The following DPH5 variants were observed in gnomAD, a reference collection of about 807,000 sequenced individuals.
DPH5 encodes the protein diphthine methyl ester synthase.
In DPH5, 31 loss-of-function variants were observed where a neutral mutation model predicts 31.6. That is an observed-to-expected ratio of 0.98 (90% confidence interval 0.74 to 1.32). The LOEUF (loss-of-function observed/expected upper bound fraction) is 1.32, where lower values mean the gene tolerates loss of function less well. DPH5 is among the 40% of genes most tolerant of loss of function. The pLI is 0.00. For synonymous variants in DPH5, 120 were observed against 115.0 expected (o/e 1.04, Z -0.28); for missense variants, 309 against 335.7 (o/e 0.92, Z 0.62).
chr1:101,013,588 G>T, intron 4 of DPH5, 122 bp downstream of exon 4: 1 of 667,580 alleles, frequency 1.5e-6, no homozygotes, highest in Non-Finnish European at 2.4e-6. Context: ...ATACTAAGCA[G>T]CCTAGTATCA....
At chr1:101,023,759 T>C (rs752791338) in intron 2 of DPH5, among the ~76,000 whole-genome samples, 1 of 152,334 alleles carries the variant, frequency 6.6e-6, no homozygotes, top group Middle Eastern at 3.4e-3. Flanking sequence ...TCTGAACAGT[T>C]TTGTGCCATA....
chr1:101,017,139 G>GA (rs1456584834), intron 3 of DPH5, among the ~76,000 whole-genome samples: 2 of 152,074 alleles, frequency 1.3e-5, no homozygotes, highest in Non-Finnish European at 2.9e-5. Context: ...CATGCTGTCA[G>GA]AAAAAAATGG....
In DPH5 at chr1:101,013,611, T is replaced by C. The variant is rs546743903; in HGVS notation, c.369+99A>G. ...CAGCCTAGTATCAAATAGTAGTATGTTTTATGATTCATAAAATACAATTAA... is the reference window on the plus strand; with the variant it reads ...CAGCCTAGTATCAAATAGTAGTATGCTTTATGATTCATAAAATACAATTAA... On this transcript the variant is annotated intron_variant, in intron 4 of 7. Transcript: ENST00000370109. 5 of 882,112 alleles carry C rather than the reference T, an allele frequency of 5.7e-6. No individual in the cohort carries two copies. In the Admixed American group the frequency reaches 9.9e-5, roughly 18 times the overall value. 54.6% of individuals were successfully genotyped at this position (882,112 alleles called of 1,614,324 possible).
intron 5 of DPH5, among the ~76,000 whole-genome samples, chr1:100,999,564 G>T (rs1403167579): frequency 2.6e-5 from 4 of 152,168 alleles, no homozygotes; most frequent in Admixed American, 1.3e-4. Flanking sequence ...AAATTGGCCA[G>T]GTGCAGTAGC....
intron 2 of DPH5, chr1:101,024,923 T>G (rs1200335222): frequency 5.8e-6 from 1 of 172,952 alleles, no homozygotes; most frequent in Non-Finnish European, 1.2e-5. Flanking sequence ...GGGGAAGCTT[T>G]CAGCTTGGTT....
chr1:101,004,065 A>T (rs1659056053), intron 4 of DPH5, among the ~76,000 whole-genome samples: 1 of 152,220 alleles, frequency 6.6e-6, no homozygotes. Flanking sequence ...CAAGTCACAT[A>T]TAAACACTAA....
intron 1 of DPH5, 30 bp from the exon 2 acceptor site, chr1:101,025,496 C>A: frequency 6.2e-7 from 1 of 1,605,282 alleles, no homozygotes; most frequent in East Asian, 2.2e-5. Flanking sequence ...GAAAAACCGT[C>A]AGTAACACCG....
At chr1:101,016,026 G>C (rs542827206) in intron 3 of DPH5, among the ~76,000 whole-genome samples, 2 of 152,244 alleles carry the variant, frequency 1.3e-5, no homozygotes, top group African/African-American at 4.8e-5. Flanking sequence ...CTTATCATTA[G>C]AGCATTCGTA....
At chr1:101,010,693 C>T (rs1659560296) in intron 4 of DPH5, among the ~76,000 whole-genome samples, 1 of 152,100 alleles carries the variant, frequency 6.6e-6, no homozygotes, top group South Asian at 2.1e-4. Flanking sequence ...GACAGAATGC[C>T]TTTTCACAGT....
intron 4 of DPH5, among the ~76,000 whole-genome samples, chr1:101,003,164 T>C (rs1658993087): frequency 6.6e-6 from 1 of 152,172 alleles, no homozygotes; most frequent in Non-Finnish European, 1.5e-5. Flanking sequence ...ACTCCAAGTA[T>C]TGAGTCATGA....
At position 101,001,558 on chromosome 1, in the gene DPH5, A is replaced by G; in HGVS notation, c.399T>C (p.Ile133=). The G allele has an allele frequency of 6.2e-7, 1 of 1,603,028 alleles. No individual in the cohort carries two copies. The highest frequency in any genetic ancestry group is 8.5e-7 in the Non-Finnish European group (1 of 1,170,446). Residue 133 remains isoleucine, a synonymous_variant, in exon 5 of 8, where the codon ATT becomes ATC. Transcript: ENST00000370109. ...QLYKFGETVS[I]VFWTDTWRPE... ...GTCTCCAAGTGTCTGTCCAAAAAACAATAGAAACTGTCTCTCCAAACTTAT... is the reference window on the plus strand; with the variant it reads ...GTCTCCAAGTGTCTGTCCAAAAAACGATAGAAACTGTCTCTCCAAACTTAT...
chr1:101,008,081 A>T (rs1172692365), intron 4 of DPH5, among the ~76,000 whole-genome samples: 2 of 152,244 alleles, frequency 1.3e-5, no homozygotes, highest in East Asian at 1.9e-4. Flanking sequence ...AAAGTATCTC[A>T]GTCAAGATAA....
chr1:100,990,067 TATAAAAGAG>T lies in DPH5; in HGVS notation c.*332_*340del. The stretch of plus-strand genomic sequence containing the variant: ...GAAGAAATACCCGAGACTGGGTAAT[TATAAAAGAG>T]GTTTAATTTTCGACTCACAGTTCCA... On this transcript the variant is annotated 3_prime_UTR_variant, in exon 8 of 8. Coordinates refer to ENST00000370109, the MANE Select transcript of DPH5 (RefSeq NM_015958.3). 3.5e-6 allele frequency: 1 copy of T among 283,742 alleles called. No homozygotes were observed. The allele number at this position is 283,742 out of a possible 1,614,324, so 17.6% of individuals were successfully genotyped here.
intron 2 of DPH5, chr1:101,024,893 C>A (rs192604332): frequency 6.0e-6 from 1 of 167,524 alleles, no homozygotes; most frequent in Admixed American, 5.9e-5. Context: ...ATCGCCATTC[C>A]CTATGGACAC....
At chr1:101,015,362 G>A (rs1660001872) in intron 3 of DPH5, among the ~76,000 whole-genome samples, 1 of 152,196 alleles carries the variant, frequency 6.6e-6, no homozygotes, top group Non-Finnish European at 1.5e-5. Context: ...GTGACCAAGT[G>A]CATTGTCAAT....
rs768495845 is a variant in DPH5, at chr1:100,990,553, C to T, written c.713G>A (p.Arg238Lys). Residue 238 changes from arginine to lysine, a missense_variant, in exon 8 of 8, where the codon AGG becomes AAG. Coordinates refer to ENST00000370109, the MANE Select transcript of DPH5 (RefSeq NM_015958.3). ...DDQKIAAGTL[R>K]QMCTVDLGEP... Reference sequence around the variant, plus strand: ...TCCCAAGTCCACAGTGCACATTTGCCTTAAAGTGCCTGCTGCAATTTTCTG... The same window carrying T: ...TCCCAAGTCCACAGTGCACATTTGCTTTAAAGTGCCTGCTGCAATTTTCTG... The T allele has an allele frequency of 2.5e-6, 4 of 1,614,126 alleles. No homozygotes were observed. The highest frequency in any genetic ancestry group is 3.4e-6 in the Non-Finnish European group (4 of 1,180,016).
intron 6 of DPH5, among the ~76,000 whole-genome samples, chr1:100,993,553 AATATAAATATATATATATAT>A (rs1368563078): frequency 2.8e-5 from 1 of 35,934 alleles, no homozygotes; most frequent in Non-Finnish European, 5.9e-5. Flanking sequence ...CTCTGTCGAA[AATATAAATATATATATATAT>A]ATATATATAT....
At chr1:101,020,997 T>C (rs1273181062) in intron 3 of DPH5, among the ~76,000 whole-genome samples, 3 of 152,232 alleles carry the variant, frequency 2.0e-5, no homozygotes, top group Non-Finnish European at 4.4e-5. Context: ...ATGGTCCTTA[T>C]GTTCCTTAAA....
intron 5 of DPH5, among the ~76,000 whole-genome samples, chr1:101,000,935 T>C (rs1162586285): frequency 3.3e-5 from 5 of 152,214 alleles, no homozygotes; most frequent in African/African-American, 1.2e-4. Flanking sequence ...TAAAAGGCTA[T>C]CTGATTCTAC....
Sources: gnomAD v4.1 joint callset for allele counts (sites outside exome capture counted in the v4.1 genomes callset) on GRCh38, gnomAD v4.1.1 for gene constraint, MANE v1.5 for transcripts, NCBI Gene and HGNC (gene_info 2026-07-23, HGNC 2026-07-21) for gene names.